NAV2: variants seen among roughly 807,000 people sequenced by gnomAD.
NAV2 encodes the protein helicase, APC down-regulated 1.
A neutral mutation model predicts 223.2 loss-of-function variants in NAV2; 54 were observed. The observed-to-expected ratio is 0.24, with a 90% CI of 0.19 to 0.30. The LOEUF (loss-of-function observed/expected upper bound fraction) is 0.30. Among genes scored for constraint, NAV2 ranks in the 10% least tolerant of loss-of-function variants. The pLI, the probability that NAV2 is intolerant of heterozygous loss-of-function variation, is 1.00. For missense variants in NAV2, 2,806 were observed against 3,147.5 expected, an observed-to-expected ratio of 0.89 and a Z score of 2.60; for synonymous variants, 1,279 against 1,239.3, an observed-to-expected ratio of 1.03 and a Z score of -0.67.
intron 1 of NAV2, among the ~76,000 whole-genome samples, chr11:19,654,214 A>G (rs1182013999): frequency 3.3e-5 from 5 of 152,220 alleles, no homozygotes; most frequent in East Asian, 1.9e-4. Flanking sequence ...AAGGAGAACT[A>G]CAAACCACTG....
intron 1 of NAV2, among the ~76,000 whole-genome samples, chr11:19,580,338 T>C (rs1424170681): frequency 6.6e-6 from 1 of 152,082 alleles, no homozygotes; most frequent in Non-Finnish European, 1.5e-5. Context: ...TTCTTTCTTT[T>C]TTTTTTAATT....
intron 1 of NAV2, among the ~76,000 whole-genome samples, chr11:19,367,265 C>G (rs1453162089): frequency 6.6e-6 from 1 of 152,186 alleles, no homozygotes; most frequent in Non-Finnish European, 1.5e-5. Flanking sequence ...TTCTGAGAAA[C>G]CTTCTCTGCC....
intron 1 of NAV2, among the ~76,000 whole-genome samples, chr11:19,509,361 G>A (rs1290856278): frequency 6.6e-6 from 1 of 152,180 alleles, no homozygotes; most frequent in Non-Finnish European, 1.5e-5. Context: ...CATGAGTGCT[G>A]GGGCCCCAAA....
At chr11:19,434,811 G>A (rs897754457) in intron 1 of NAV2, among the ~76,000 whole-genome samples, 38 of 149,712 alleles carry the variant, frequency 2.5e-4, no homozygotes, top group Non-Finnish European at 3.4e-4. Flanking sequence ...ATATTTTTAT[G>A]GTCAAAAGAA....
At chr11:19,428,967 C>T (rs1001634402) in intron 1 of NAV2, among the ~76,000 whole-genome samples, 2 of 152,226 alleles carry the variant, frequency 1.3e-5, no homozygotes, top group Non-Finnish European at 2.9e-5. Context: ...AGCTCCACTA[C>T]ACAGCCAAGG....
chr11:19,589,699 G>T (rs1167601450), intron 1 of NAV2, among the ~76,000 whole-genome samples: 1 of 152,200 alleles, frequency 6.6e-6, no homozygotes, highest in Non-Finnish European at 1.5e-5. Flanking sequence ...GAGAGCCACA[G>T]CCCCTTTCAG....
chr11:19,717,970 A>G (rs1236169000), intron 1 of NAV2, among the ~76,000 whole-genome samples: 1 of 152,182 alleles, frequency 6.6e-6, no homozygotes, highest in African/African-American at 2.4e-5. Context: ...GCTGTTAGGT[A>G]CAGCCCTACT....
At chr11:19,561,868 G>C (rs779168827) in intron 1 of NAV2, among the ~76,000 whole-genome samples, 8 of 152,222 alleles carry the variant, frequency 5.3e-5, no homozygotes, top group Non-Finnish European at 1.2e-4. Flanking sequence ...TGGCTAAGAA[G>C]AGATCCTGCC....
intron 4 of NAV2, among the ~76,000 whole-genome samples, chr11:19,871,965 A>G (rs915631369): frequency 6.6e-6 from 1 of 151,994 alleles, no homozygotes; most frequent in African/African-American, 2.4e-5. Context: ...ATCATCAAAC[A>G]TTGTCTCCCC....
At chr11:19,372,468 G>A (rs1008664555) in intron 1 of NAV2, among the ~76,000 whole-genome samples, 3 of 152,140 alleles carry the variant, frequency 2.0e-5, no homozygotes, top group African/African-American at 7.2e-5. Flanking sequence ...ATGGAGCTTG[G>A]CCTGGGTATT....
At chr11:19,375,657 T>A (rs909181920) in intron 1 of NAV2, among the ~76,000 whole-genome samples, 2 of 152,044 alleles carry the variant, frequency 1.3e-5, no homozygotes, top group African/African-American at 4.8e-5. Context: ...GACCTAAATT[T>A]ATCTACAGAA....
intron 1 of NAV2, among the ~76,000 whole-genome samples, chr11:19,524,658 T>A (rs1201446916): frequency 2.0e-5 from 3 of 152,190 alleles, no homozygotes; most frequent in African/African-American, 7.2e-5. Flanking sequence ...GCCAGGCTTG[T>A]AACAGACTCT....
chr11:20,034,376 T>TTTTTTTTTG (rs1564889151), intron 11 of NAV2, among the ~76,000 whole-genome samples: 1 of 117,772 alleles, frequency 8.5e-6, no homozygotes, highest in Non-Finnish European at 1.8e-5. Flanking sequence ...TTTTTTTTTT[T>TTTTTTTTTG]TTTGTTTGTT....
At chr11:19,944,124 T>C (rs561319556) in intron 8 of NAV2, among the ~76,000 whole-genome samples, 1 of 152,226 alleles carries the variant, frequency 6.6e-6, no homozygotes, top group African/African-American at 2.4e-5. Flanking sequence ...TCGCTTCAAC[T>C]GAGGAGGTGG....
chr11:20,043,509 G>A lies in NAV2; in HGVS notation c.2908-472G>A, dbSNP rs147393686. ...CATCCAGGCTAGAGTACAGTGGTGC[G>A]GTCACGGCTTACTGCAGCCTCCACC... is the stretch of plus-strand genomic sequence containing the variant. On this transcript the variant is annotated intron_variant, in intron 12 of 37. Coordinates refer to ENST00000349880, the MANE Select transcript of NAV2 (RefSeq NM_145117.5). 8.6e-4 allele frequency among the ~76,000 whole-genome samples: 131 copies of A among 152,134 alleles called. No individual in the cohort carries two copies. In the East Asian group the frequency reaches 0.016, roughly 19 times the overall value.
intron 3 of NAV2, among the ~76,000 whole-genome samples, chr11:19,846,007 A>G (rs2060786208): frequency 6.6e-6 from 1 of 152,130 alleles, no homozygotes; most frequent in Admixed American, 6.5e-5. Context: ...AGAATAGACT[A>G]TTGCAGCTGC....
Position 19,565,991 on chromosome 11 carries a change from C to T in NAV2, c.75+214964C>T, listed in dbSNP as rs573222833. ...TAATGTCAGCAACCTATGGATAGAC[C>T]GCAGGACACTGGGCTGCAGCATGAA... On this transcript the variant is annotated intron_variant, in intron 1 of 37. Coordinates refer to the NAV2 transcript ENST00000360655. Among the ~76,000 whole-genome samples the T allele has an allele frequency of 4.0e-5, 6 of 151,898 alleles. No individual in the cohort carries two copies. In the East Asian group the frequency reaches 9.7e-4, roughly 24 times the overall value.
intron 1 of NAV2, among the ~76,000 whole-genome samples, chr11:19,378,527 G>A (rs540278608): frequency 1.4e-4 from 21 of 152,020 alleles, no homozygotes; most frequent in Admixed American, 2.6e-4. Flanking sequence ...AATAAAGAGC[G>A]GCGCCTCACT....
chr11:19,483,897 C>G (rs2042357595), intron 1 of NAV2, among the ~76,000 whole-genome samples: 2 of 152,072 alleles, frequency 1.3e-5, no homozygotes, highest in East Asian at 1.9e-4. Context: ...CCCCAGGAAG[C>G]AGCAGAGCCA....
Sources: gnomAD v4.1 joint callset for allele counts (sites outside exome capture counted in the v4.1 genomes callset) on GRCh38, gnomAD v4.1.1 for gene constraint, MANE v1.5 for transcripts, NCBI Gene and HGNC (gene_info 2026-07-23, HGNC 2026-07-21) for gene names.